The following COX10 variants were observed in gnomAD, a reference collection of about 807,000 sequenced individuals.
COX10 encodes cytochrome c oxidase assembly factor heme A:farnesyltransferase COX10.
COX10 carries 27 observed loss-of-function variants against 37.3 expected under a neutral mutation model. The ratio of observed to expected loss-of-function variants is 0.72; its 90% CI spans 0.53 to 1.00. The LOEUF is 1.00. Ranked by LOEUF, COX10 falls within the 50% of genes least tolerant of loss-of-function variation. The pLI is 0.00. For synonymous variants in COX10, 222 were observed against 229.1 expected (o/e 0.97, Z 0.28); for missense variants, 475 against 563.2 (o/e 0.84, Z 1.59).
intron 4 of COX10, among the ~76,000 whole-genome samples, chr17:14,158,104 G>A (rs1905082108): frequency 6.6e-6 from 1 of 152,066 alleles, no homozygotes; most frequent in African/African-American, 2.4e-5. Flanking sequence ...ATGAATGACA[G>A]GGAATCCTCA....
intron 4 of COX10, among the ~76,000 whole-genome samples, chr17:14,103,868 G>A (rs1333643879): frequency 6.6e-6 from 1 of 152,166 alleles, no homozygotes; most frequent in Non-Finnish European, 1.5e-5. Flanking sequence ...TATAGGGAGC[G>A]AGTTGGATTC....
intron 4 of COX10, among the ~76,000 whole-genome samples, chr17:14,128,129 C>T (rs899628857): frequency 4.6e-5 from 7 of 151,810 alleles, no homozygotes; most frequent in Non-Finnish European, 8.8e-5. Flanking sequence ...GAAAATTTCA[C>T]TGAACTGAAT....
intron 4 of COX10, among the ~76,000 whole-genome samples, chr17:14,112,962 G>A (rs771196497): frequency 2.0e-5 from 3 of 152,080 alleles, no homozygotes; most frequent in Admixed American, 6.6e-5. Flanking sequence ...TGTAGGTGTC[G>A]GGCAGCCATT....
At chr17:14,109,465 C>A (rs903710285) in intron 4 of COX10, among the ~76,000 whole-genome samples, 12 of 152,020 alleles carry the variant, frequency 7.9e-5, no homozygotes, top group African/African-American at 1.9e-4. Context: ...ATAATTCGAA[C>A]GTATATTTGT....
At chr17:14,071,034 T>TAAA (rs1222270151) in intron 1 of COX10, among the ~76,000 whole-genome samples, 20 of 152,252 alleles carry the variant, frequency 1.3e-4, no homozygotes, top group Non-Finnish European at 7.3e-5. Context: ...TGTTGTTTTT[T>TAAA]AAAGTCCTGT....
At chr17:14,203,982 A>T (rs1906621266) in intron 6 of COX10, among the ~76,000 whole-genome samples, 1 of 152,120 alleles carries the variant, frequency 6.6e-6, no homozygotes, top group Admixed American at 6.5e-5. Context: ...GAGGAGGGGA[A>T]GGAGAAGATA....
chr17:14,189,854 G>A (rs977240510), intron 5 of COX10, among the ~76,000 whole-genome samples: 2 of 152,158 alleles, frequency 1.3e-5, no homozygotes, highest in African/African-American at 4.8e-5. Context: ...CACTCCATCA[G>A]GATGCTTGGC....
chr17:14,206,702 A>C, intron 6 of COX10, 108 bp from the exon 7 acceptor site: 1 of 1,398,818 alleles, frequency 7.1e-7, no homozygotes, highest in Non-Finnish European at 1.0e-6. Flanking sequence ...ACAGGGTGGC[A>C]GAGCTTCTGA....
intron 4 of COX10, among the ~76,000 whole-genome samples, chr17:14,125,147 G>A (rs371202380): frequency 6.6e-6 from 1 of 152,152 alleles, no homozygotes; most frequent in East Asian, 1.9e-4. Flanking sequence ...GTAAAATAAC[G>A]ACAGGAAAGT....
intron 4 of COX10, among the ~76,000 whole-genome samples, chr17:14,146,708 C>T (rs1211390113): frequency 6.6e-6 from 1 of 152,084 alleles, no homozygotes; most frequent in East Asian, 1.9e-4. Flanking sequence ...AGACAACCCA[C>T]AGAATGGGAG....
intron 5 of COX10, among the ~76,000 whole-genome samples, chr17:14,176,805 T>C (rs2142253130): frequency 6.6e-6 from 1 of 152,078 alleles, no homozygotes; most frequent in Middle Eastern, 3.4e-3. Flanking sequence ...GCTTGCCTGT[T>C]TGTTACTGAG....
intron 4 of COX10, among the ~76,000 whole-genome samples, chr17:14,112,482 A>T (rs1916024338): frequency 6.6e-6 from 1 of 152,152 alleles, no homozygotes; most frequent in Admixed American, 6.5e-5. Flanking sequence ...ATATGTATTG[A>T]TTACTTTTGC....
chr17:14,187,144 A>C (rs542374829), intron 5 of COX10, among the ~76,000 whole-genome samples: 1 of 151,862 alleles, frequency 6.6e-6, no homozygotes, highest in Admixed American at 6.6e-5. Flanking sequence ...AACTTGTGCA[A>C]ACTCTCTGGA....
intron 4 of COX10, among the ~76,000 whole-genome samples, chr17:14,118,887 T>G (rs567053234): frequency 7.2e-5 from 11 of 152,148 alleles, no homozygotes; most frequent in Admixed American, 4.6e-4. Context: ...GCTTTTTTTT[T>G]TTCATACAAA....
In COX10 at chr17:14,101,988, C is replaced by G. The variant is rs114838394; in HGVS notation, c.500-130C>G. 3.6e-6 allele frequency: 4 copies of G among 1,110,294 alleles called. No individual in the cohort carries two copies. The Admixed American group carries it at 7.3e-5, about 20-fold the overall frequency. 68.8% of individuals were successfully genotyped at this position (1,110,294 alleles called of 1,614,324 possible). A position where few individuals can be genotyped will look rare whatever the true frequency, so the allele number is the denominator to read the frequency against. ...TGTGGATCTTTTTTAAGCCAAAGATCAGCCTGTACTTTGTGTTATTAATAT... is the reference window on the plus strand; with the variant it reads ...TGTGGATCTTTTTTAAGCCAAAGATGAGCCTGTACTTTGTGTTATTAATAT... On this transcript the variant is annotated intron_variant, in intron 3 of 6. Coordinates refer to ENST00000261643, the MANE Select transcript of COX10 (RefSeq NM_001303.4).
chr17:14,131,217 A>G (rs1916456844), intron 4 of COX10, among the ~76,000 whole-genome samples: 1 of 152,164 alleles, frequency 6.6e-6, no homozygotes, highest in Non-Finnish European at 1.5e-5. Flanking sequence ...TAGAAGAATA[A>G]TCAGAAAGCA....
chr17:14,200,637 C>T (rs541523135), intron 6 of COX10, among the ~76,000 whole-genome samples: 1 of 152,172 alleles, frequency 6.6e-6, no homozygotes, highest in African/African-American at 2.4e-5. Context: ...AGGAAGCTGC[C>T]GTGCTCTGGA....
At chr17:14,080,893 G>A (rs566171180) in intron 3 of COX10, among the ~76,000 whole-genome samples, 1 of 151,788 alleles carries the variant, frequency 6.6e-6, no homozygotes, top group South Asian at 2.1e-4. Flanking sequence ...GCCTAGAAAG[G>A]TTTCATCACC....
intron 1 of COX10, among the ~76,000 whole-genome samples, chr17:14,071,387 C>T (rs1374629294): frequency 6.6e-6 from 1 of 152,080 alleles, no homozygotes; most frequent in Non-Finnish European, 1.5e-5. Context: ...AAGCTGTGAA[C>T]ATAATTGCCA....
Sources: allele counts gnomAD v4.1 joint callset (sites outside exome capture counted in the v4.1 genomes callset), GRCh38; gene constraint gnomAD v4.1.1; transcripts MANE v1.5; gene names NCBI Gene and HGNC (gene_info 2026-07-23, HGNC 2026-07-21).